The following KCNAB1 variants were observed in gnomAD, a reference collection of about 807,000 sequenced individuals.
KCNAB1 encodes the protein potassium voltage-gated channel subfamily A regulatory beta subunit 1, also known as voltage-gated potassium channel subunit beta-1.
In KCNAB1, 35 loss-of-function variants were observed where a neutral mutation model predicts 64.6. The observed-to-expected ratio is 0.54, with a 90% CI of 0.41 to 0.72. The LOEUF is 0.72. Among genes scored for constraint, KCNAB1 ranks in the 30% least tolerant of loss-of-function variants. The pLI is 0.00. For missense variants in KCNAB1, 401 were observed against 512.9 expected, an observed-to-expected ratio of 0.78 and a Z score of 2.11; for synonymous variants, 177 against 183.8, an observed-to-expected ratio of 0.96 and a Z score of 0.30.
chr3:156,125,192 A>T (rs564407644), intron 1 of KCNAB1, among the ~76,000 whole-genome samples: 1 of 152,260 alleles, frequency 6.6e-6, no homozygotes, highest in East Asian at 1.9e-4. Context: ...AGTGATTTGA[A>T]AGAGGAACGT....
chr3:156,287,165 C>T (rs13082914), intron 1 of KCNAB1, among the ~76,000 whole-genome samples: 42,983 of 151,764 alleles, frequency 0.28, 6,866 homozygotes, highest in African/African-American at 0.42. Context: ...AGACAGGGCA[C>T]TGGCATAGGA....
At chr3:156,143,143 C>A (rs373272584) in intron 1 of KCNAB1, 5 of 1,548,280 alleles carry the variant, frequency 3.2e-6, no homozygotes, top group Non-Finnish European at 3.5e-6. Flanking sequence ...AGTTAAGCAC[C>A]GTGCAATTAG....
intron 1 of KCNAB1, among the ~76,000 whole-genome samples, chr3:156,140,197 A>G (rs1229994870): frequency 6.6e-6 from 1 of 152,212 alleles, no homozygotes; most frequent in Non-Finnish European, 1.5e-5. Flanking sequence ...ATGTAATAAC[A>G]TTCTTCATTT....
chr3:156,486,211 G>A (rs1350439701), intron 8 of KCNAB1, among the ~76,000 whole-genome samples: 5 of 152,086 alleles, frequency 3.3e-5, no homozygotes, highest in Non-Finnish European at 7.4e-5. Context: ...GCTGTGAGAC[G>A]GTGCTTTCCT....
chr3:156,276,915 A>T (rs2108498724), intron 1 of KCNAB1, among the ~76,000 whole-genome samples: 1 of 152,086 alleles, frequency 6.6e-6, no homozygotes, highest in South Asian at 2.1e-4. Flanking sequence ...TCCTTCAGGA[A>T]TTTTTCCTTT....
intron 1 of KCNAB1, among the ~76,000 whole-genome samples, chr3:156,169,575 A>G (rs1177721210): frequency 6.6e-6 from 1 of 151,956 alleles, no homozygotes; most frequent in Non-Finnish European, 1.5e-5. Flanking sequence ...CCCATATCTC[A>G]TGTGGAATTG....
intron 1 of KCNAB1, among the ~76,000 whole-genome samples, chr3:156,129,068 A>G (rs563591159): frequency 3.2e-4 from 49 of 152,142 alleles, no homozygotes; most frequent in Non-Finnish European, 5.6e-4. Flanking sequence ...TGTTTAATTC[A>G]TACAACAACC....
intron 12 of KCNAB1, among the ~76,000 whole-genome samples, chr3:156,526,928 A>G (rs1576979068): frequency 6.6e-6 from 1 of 152,224 alleles, no homozygotes; most frequent in Admixed American, 6.5e-5. Flanking sequence ...CACTAACCCA[A>G]TGAGATAAAA....
intron 7 of KCNAB1, among the ~76,000 whole-genome samples, chr3:156,467,803 A>G (rs1713530344): frequency 6.6e-6 from 1 of 152,178 alleles, no homozygotes; most frequent in African/African-American, 2.4e-5. Context: ...TTGCTAAGTC[A>G]AAGAATTATA....
intron 2 of KCNAB1, among the ~76,000 whole-genome samples, chr3:156,432,760 A>G (rs1716314242): frequency 6.6e-6 from 1 of 151,914 alleles, no homozygotes; most frequent in Non-Finnish European, 1.5e-5. Flanking sequence ...GCCCTTGCTG[A>G]GCTGTTTCTT....
At chr3:156,267,133 C>A (rs551349478) in intron 1 of KCNAB1, among the ~76,000 whole-genome samples, 69 of 152,252 alleles carry the variant, frequency 4.5e-4, no homozygotes, top group African/African-American at 1.6e-3. Context: ...TATAGTATAT[C>A]TTTTTTTCTC....
chr3:156,177,634 C>T (rs539671998), intron 1 of KCNAB1, among the ~76,000 whole-genome samples: 2,420 of 152,126 alleles, frequency 0.016, 46 homozygotes, highest in Non-Finnish European at 0.019. Flanking sequence ...GCCTTGGCCT[C>T]CCAAAGTGCT....
intron 1 of KCNAB1, among the ~76,000 whole-genome samples, chr3:156,166,961 A>C (rs908310462): frequency 1.3e-5 from 2 of 152,052 alleles, no homozygotes; most frequent in African/African-American, 4.8e-5. Flanking sequence ...GGACATGGGC[A>C]CCTCTTGGTT....
At chr3:156,439,197 A>C (rs1716813683) in intron 2 of KCNAB1, among the ~76,000 whole-genome samples, 1 of 151,474 alleles carries the variant, frequency 6.6e-6, no homozygotes, top group African/African-American at 2.4e-5. Flanking sequence ...ATTCTCAAAA[A>C]AAAAAGTGTT....
chr3:156,530,232 AG>A (rs2108422793), intron 12 of KCNAB1, among the ~76,000 whole-genome samples: 1 of 152,320 alleles, frequency 6.6e-6, no homozygotes, highest in Non-Finnish European at 1.5e-5. Context: ...ATCAAGTCCA[AG>A]AAAAGGCAAA....
chr3:156,503,650 T>A (rs1716614052), intron 8 of KCNAB1, among the ~76,000 whole-genome samples: 1 of 152,170 alleles, frequency 6.6e-6, no homozygotes, highest in South Asian at 2.1e-4. Context: ...TAAAGTTTTA[T>A]TTTCTTAGAG....
At chr3:156,387,014 CTTTTTT>C (rs1194708289) in intron 1 of KCNAB1, among the ~76,000 whole-genome samples, 4 of 90,522 alleles carry the variant, frequency 4.4e-5, no homozygotes, top group Non-Finnish European at 2.1e-5. Flanking sequence ...TTCTCTCTCT[CTTTTTT>C]TTTTTTTTTT....
At chr3:156,175,536 G>A (rs550491045) in intron 1 of KCNAB1, among the ~76,000 whole-genome samples, 4 of 152,164 alleles carry the variant, frequency 2.6e-5, no homozygotes, top group Non-Finnish European at 5.9e-5. Flanking sequence ...GGAGAATGGC[G>A]TGAACCCGGG....
chr3:156,133,981 A>G lies in KCNAB1; in HGVS notation c.275+13095A>G, dbSNP rs140876964. 7.8e-3 allele frequency among the ~76,000 whole-genome samples: 1,188 copies of G among 152,244 alleles called. 18 individuals carry two copies. The highest frequency in any genetic ancestry group is 0.01 in the Non-Finnish European group (701 of 68,000). On this transcript the variant is annotated intron_variant, in intron 1 of 13. Transcript: ENST00000490337. ...AAGTTATGAGGATGGGACTGATAAC[A>G]TTTCTAAATGCAGGAAATATTCCCA...
Sources: gnomAD v4.1 joint callset for allele counts (sites outside exome capture counted in the v4.1 genomes callset) on GRCh38, gnomAD v4.1.1 for gene constraint, MANE v1.5 for transcripts, NCBI Gene and HGNC (gene_info 2026-07-23, HGNC 2026-07-21) for gene names.